Variants in VPS13B observed in about 807,000 individuals in gnomAD.
VPS13B encodes the protein intermembrane lipid transfer protein VPS13B.
A neutral mutation model predicts 426.4 loss-of-function variants in VPS13B; 285 were observed. The observed-to-expected ratio is 0.67, with a 90% CI of 0.61 to 0.74. The LOEUF (loss-of-function observed/expected upper bound fraction) is 0.74. Among genes scored for constraint, VPS13B ranks in the 30% least tolerant of loss-of-function variants. The probability of loss-of-function intolerance (pLI) is 0.00; values close to 1 mark genes in which losing one functional copy is unlikely to be tolerated. For synonymous variants in VPS13B, 1,676 were observed against 1,676.4 expected (o/e 1.00, Z 0.01); for missense variants, 4,537 against 4,782.6 (o/e 0.95, Z 1.51).
In VPS13B at chr8:99,156,592, G is replaced by A. The variant is rs771633070; in HGVS notation, c.2057G>A (p.Arg686Gln). The A allele has an allele frequency of 6.2e-6, 10 of 1,613,986 alleles. No individual in the cohort carries two copies. The highest frequency in any genetic ancestry group is 1.7e-5 in the Admixed American group (1 of 60,022). ...FMNTTNFQSL[R>Q]PLPSIRILVD... is the part of the protein sequence containing the mutation. ...AATACTACAAACTTCCAGTCTCTTCGGCCTTTGCCATCCATTCGAATATTG... is the reference window on the plus strand; with the variant it reads ...AATACTACAAACTTCCAGTCTCTTCAGCCTTTGCCATCCATTCGAATATTG... The change falls in exon 15 of 62, where the codon CGG becomes CAG. Residue 686 changes from arginine to glutamine, a missense_variant. Around this residue, in one of 2 missense-constraint regions of VPS13B, gnomAD observed 4,311 missense variants for 4,474.3 expected, o/e 0.96. Transcript: ENST00000357162.
intron 17 of VPS13B, among the ~76,000 whole-genome samples, chr8:99,212,660 T>TTTCTTTTCCTACC (rs1554675440): frequency 6.6e-6 from 1 of 151,756 alleles, no homozygotes; most frequent in African/African-American, 2.4e-5. Flanking sequence ...AGGTGGTCTT[T>TTTCTTTTCCTACC]TTCTCTTCTT....
intron 17 of VPS13B, chr8:99,233,499 T>C: frequency 7.8e-7 from 1 of 1,288,010 alleles, no homozygotes; most frequent in East Asian, 2.3e-5. Flanking sequence ...TCTCCTGCTC[T>C]TGATAAGAAT....
chr8:99,602,060 T>G (rs1827325823), intron 33 of VPS13B, among the ~76,000 whole-genome samples: 1 of 152,246 alleles, frequency 6.6e-6, no homozygotes, highest in African/African-American at 2.4e-5. Context: ...GTTTTAGTCA[T>G]GAAGTCTTTG....
Position 99,664,738 on chromosome 8 carries a change from T to C in VPS13B, c.6046+3247T>C, listed in dbSNP as rs190191199. Among the ~76,000 whole-genome samples the C allele has an allele frequency of 3.3e-5, 5 of 152,350 alleles. 1 individual carries two copies. Among genetic ancestry groups the C allele is most frequent in the Admixed American group, 3.3e-4 (5 of 15,308 alleles). On this transcript the variant is annotated intron_variant, in intron 35 of 61. Transcript: ENST00000357162. ...ATCGTTGTTGGACATTCAGGTTGGT[T>C]TCAAGTCTTTGCTATTGTGAATAGT...
At position 99,109,099 on chromosome 8, in the gene VPS13B, T is replaced by C. The variant is rs543835654; in HGVS notation, c.581-1999T>C. 2.6e-5 allele frequency among the ~76,000 whole-genome samples: 4 copies of C among 152,268 alleles called. No individual in the cohort carries two copies. In the South Asian group the frequency reaches 8.3e-4, roughly 32 times the overall value. ...TCTTATATGTTGTATTTTGGGTTTG[T>C]TGTTTTCAATCAATACTATGCTTTT... On this transcript the variant is annotated intron_variant, in intron 5 of 61. Transcript: ENST00000357162.
chr8:99,654,289 C>A (rs1829939332), intron 34 of VPS13B, among the ~76,000 whole-genome samples: 1 of 151,468 alleles, frequency 6.6e-6, no homozygotes, highest in Non-Finnish European at 1.5e-5. Context: ...ACCTTGTGAT[C>A]CGCCCGCCTC....
chr8:99,225,246 TA>T (rs996057677), intron 17 of VPS13B, among the ~76,000 whole-genome samples: 6 of 152,162 alleles, frequency 3.9e-5, no homozygotes, highest in Non-Finnish European at 8.8e-5. Flanking sequence ...AAACTCACTA[TA>T]TTCAGAAGGA....
In VPS13B at chr8:99,818,236, CTT is replaced by C. The variant is rs148336297; in HGVS notation, c.8362-213_8362-212del. Among the ~76,000 whole-genome samples, 530 of 152,258 alleles carry C rather than the reference CTT, an allele frequency of 3.5e-3. 1 individual carries two copies. The highest frequency in any genetic ancestry group is 0.012 in the African/African-American group (489 of 41,544). Reference sequence around the variant, plus strand: ...CTTATATCTCTCCTTATGCAAATCTCTTTGTCTTTATGGAAAGAGTTGGCCCC... The same window carrying C: ...CTTATATCTCTCCTTATGCAAATCTCTGTCTTTATGGAAAGAGTTGGCCCC... On this transcript the variant is annotated intron_variant, in intron 45 of 61. Transcript: ENST00000357162.
At chr8:99,230,833 G>T (rs950159299) in intron 17 of VPS13B, among the ~76,000 whole-genome samples, 53 of 152,198 alleles carry the variant, frequency 3.5e-4, no homozygotes, top group African/African-American at 1.3e-3. Flanking sequence ...GATTCAAGTT[G>T]GGCATTCATC....
chr8:99,699,742 T>C lies in VPS13B; in HGVS notation c.6264T>C (p.Asp2088=). Residue 2088 remains aspartate (D), a synonymous_variant, in exon 36 of 62, where the codon GAT becomes GAC. Transcript: ENST00000357162. ...TGTCTAAACCCAAAATTCATGGTGA[T>C]GGAGTGCAAAAGATTTCAGCTCAAG... ...GKLSKPKIHG[D]GVQKISAQEN... 1 of 1,614,156 alleles carries C rather than the reference T, an allele frequency of 6.2e-7. No individual in the cohort carries two copies. The highest frequency in any genetic ancestry group is 8.5e-7 in the Non-Finnish European group (1 of 1,180,022).
chr8:99,256,437 G>A (rs1365127889), intron 17 of VPS13B, among the ~76,000 whole-genome samples: 1 of 152,098 alleles, frequency 6.6e-6, no homozygotes, highest in East Asian at 1.9e-4. Flanking sequence ...TGGATCATAT[G>A]GTAGTTCTAT....
chr8:99,285,475 A>T (rs970085725), intron 19 of VPS13B, among the ~76,000 whole-genome samples: 2 of 152,210 alleles, frequency 1.3e-5, no homozygotes, highest in African/African-American at 4.8e-5. Context: ...TACAAAAAGT[A>T]TTCGGGTTGT....
At chr8:99,672,977 A>G (rs1830780066) in intron 35 of VPS13B, among the ~76,000 whole-genome samples, 1 of 152,040 alleles carries the variant, frequency 6.6e-6, no homozygotes, top group Non-Finnish European at 1.5e-5. Flanking sequence ...CATACCTGTG[A>G]TGACACCCGC....
intron 51 of VPS13B, among the ~76,000 whole-genome samples, chr8:99,831,290 CT>C (rs1815043686): frequency 6.6e-6 from 1 of 151,858 alleles, no homozygotes; most frequent in Admixed American, 6.6e-5. Context: ...CCAGGCTGGT[CT>C]CAAACTCCTG....
intron 21 of VPS13B, among the ~76,000 whole-genome samples, chr8:99,398,458 G>T (rs1431681090): frequency 6.6e-6 from 1 of 152,222 alleles, no homozygotes; most frequent in African/African-American, 2.4e-5. Context: ...TCTGTGGTCA[G>T]TTGGCCAGAG....
intron 31 of VPS13B, among the ~76,000 whole-genome samples, chr8:99,568,292 TA>T (rs11296692): frequency 0.18 from 26,198 of 147,208 alleles, 2,629 homozygotes; most frequent in East Asian, 0.38. Context: ...TTATTATTAT[TA>T]TTATTATTTT....
intron 21 of VPS13B, among the ~76,000 whole-genome samples, chr8:99,411,630 C>A (rs1393707013): frequency 1.3e-5 from 2 of 152,126 alleles, no homozygotes; most frequent in Non-Finnish European, 2.9e-5. Context: ...GTTATGAAGT[C>A]TTTGCCCATG....
At chr8:99,442,659 A>G (rs752514805) in intron 23 of VPS13B, 24 bp downstream of exon 23, 17 of 1,603,388 alleles carry the variant, frequency 1.1e-5, no homozygotes, top group South Asian at 2.2e-5. Context: ...TTTTTTTCCT[A>G]TGGTTAATGT....
At chr8:99,569,781 T>C (rs929534687) in intron 31 of VPS13B, among the ~76,000 whole-genome samples, 4 of 152,202 alleles carry the variant, frequency 2.6e-5, no homozygotes, top group African/African-American at 9.7e-5. Flanking sequence ...CAGAGAACTA[T>C]ACTTTTTTTT....
Sources: gnomAD v4.1 joint callset for allele counts (sites outside exome capture counted in the v4.1 genomes callset) on GRCh38, gnomAD v4.1.1 for gene constraint, gnomAD v4.1.1 regional missense constraint, MANE v1.5 for transcripts, NCBI Gene and HGNC (gene_info 2026-07-23, HGNC 2026-07-21) for gene names.